The following CILK1 variants were observed in gnomAD, a reference collection of about 807,000 sequenced individuals.
CILK1 encodes the protein ciliogenesis associated kinase 1, also known as serine/threonine-protein kinase ICK.
CILK1 carries 47 observed loss-of-function variants against 79.2 expected under a neutral mutation model. That is an observed-to-expected ratio of 0.59 (90% CI 0.47 to 0.76). CILK1 has a LOEUF of 0.76. Among genes scored for constraint, CILK1 ranks in the 30% least tolerant of loss-of-function variants. The pLI is 0.00. For missense variants in CILK1, 660 were observed against 769.5 expected, an observed-to-expected ratio of 0.86 and a Z score of 1.68; for synonymous variants, 266 against 275.9, an observed-to-expected ratio of 0.96 and a Z score of 0.36.
chr6:53,009,338 C>A (rs1245412387), intron 12 of CILK1, 101 bp downstream of exon 12: 3 of 1,114,722 alleles, frequency 2.7e-6, no homozygotes, highest in Non-Finnish European at 4.1e-6. Context: ...ATGACAAAGG[C>A]CCCTGTGCTT....
intron 1 of CILK1, among the ~76,000 whole-genome samples, chr6:53,043,752 G>A (rs1766867587): frequency 6.6e-6 from 1 of 152,106 alleles, no homozygotes; most frequent in South Asian, 2.1e-4. Context: ...GGCAGGGGAT[G>A]GGGGTGTGGA....
chr6:53,039,072 T>A (rs1321534970), intron 2 of CILK1, among the ~76,000 whole-genome samples: 1 of 152,226 alleles, frequency 6.6e-6, no homozygotes, highest in Non-Finnish European at 1.5e-5. Flanking sequence ...CACTCTGTCC[T>A]TGTCACACTG....
intron 7 of CILK1, among the ~76,000 whole-genome samples, chr6:53,017,150 A>T (rs1764936302): frequency 1.3e-5 from 2 of 152,240 alleles, no homozygotes; most frequent in African/African-American, 4.8e-5. Flanking sequence ...AGATTCCAGC[A>T]TTGGACTCAG....
chr6:53,051,176 C>T (rs931974051), intron 1 of CILK1, among the ~76,000 whole-genome samples: 8 of 152,230 alleles, frequency 5.3e-5, no homozygotes, highest in African/African-American at 1.9e-4. Flanking sequence ...AAGGAAGGCT[C>T]TGGGCCACCA....
At chr6:53,038,324 T>C (rs1766488941) in intron 2 of CILK1, among the ~76,000 whole-genome samples, 1 of 152,232 alleles carries the variant, frequency 6.6e-6, no homozygotes, top group South Asian at 2.1e-4. Flanking sequence ...CAGAACTTTC[T>C]ATATTGGTGA....
At chr6:53,051,864 G>C (rs1195194253) in intron 1 of CILK1, 2 of 152,196 alleles carry the variant, frequency 1.3e-5, no homozygotes, top group African/African-American at 4.8e-5. Flanking sequence ...AATGAAATCA[G>C]AAATCTGTGC....
At chr6:53,015,205 T>A (rs942751478) in intron 8 of CILK1, among the ~76,000 whole-genome samples, 1 of 152,234 alleles carries the variant, frequency 6.6e-6, no homozygotes, top group African/African-American at 2.4e-5. Context: ...ATTGGTCACT[T>A]ATATGATCCT....
chr6:53,009,617 C>T lies in CILK1; in HGVS notation c.1493-50G>A, dbSNP rs750712123. The T allele has an allele frequency of 2.1e-5, 31 of 1,442,654 alleles. No homozygotes were observed. The South Asian group carries it at 3.6e-4, about 17-fold the overall frequency. 89.4% of individuals were successfully genotyped at this position (1,442,654 alleles called of 1,614,324 possible). A position where few individuals can be genotyped will look rare whatever the true frequency, so the allele number is the denominator to read the frequency against. On this transcript the variant is annotated intron_variant, in intron 11 of 13. Transcript: ENST00000676107. ...AATGCAAAATACACAATGAATCTTA[C>T]ACTAGACTACAAAGATAAAATTAAT...
intron 1 of CILK1, among the ~76,000 whole-genome samples, chr6:53,049,255 T>C (rs1271978763): frequency 1.3e-5 from 2 of 152,238 alleles, no homozygotes; most frequent in Non-Finnish European, 2.9e-5. Context: ...CAGTGGGCTA[T>C]ACTAACTTTT....
chr6:53,016,151 T>C lies in CILK1; in HGVS notation c.763A>G (p.Ser255Gly), dbSNP rs1440820949. ...TCTCTCAGGAGCTGGACTGCTTCAC[T>C]GCTAGCATTGGGAATCAAGGTCTTT... is the stretch of plus-strand genomic sequence containing the variant. ...NLKTLIPNAS[S>G]EAVQLLRDML... The change falls in exon 8 of 14, where the codon AGT becomes GGT. Residue 255 changes from serine to glycine, a missense_variant. By Grantham distance (56) the Ser-to-Gly change is moderately conservative. Coordinates refer to ENST00000676107, the MANE Select transcript of CILK1 (RefSeq NM_014920.5). 10 of 1,614,034 alleles carry C rather than the reference T, an allele frequency of 6.2e-6. No homozygotes were observed. The highest frequency in any genetic ancestry group is 8.5e-6 in the Non-Finnish European group (10 of 1,179,982).
chr6:53,010,691 C>T (rs1186713440), intron 11 of CILK1, among the ~76,000 whole-genome samples: 1 of 152,232 alleles, frequency 6.6e-6, no homozygotes, highest in African/African-American at 2.4e-5. Flanking sequence ...CTGCCCTCAG[C>T]TCTCTGCACA....
chr6:53,031,640 C>T (rs772845042), intron 4 of CILK1, among the ~76,000 whole-genome samples: 5 of 152,270 alleles, frequency 3.3e-5, no homozygotes, highest in South Asian at 2.1e-4. Flanking sequence ...TTCTTATTAG[C>T]CTCCTCTTGC....
intron 1 of CILK1, among the ~76,000 whole-genome samples, chr6:53,043,844 GC>G (rs1456843561): frequency 6.6e-6 from 1 of 152,224 alleles, no homozygotes; most frequent in Non-Finnish European, 1.5e-5. Context: ...TAAGGAGAAA[GC>G]CCTCTTGGTT....
At chr6:53,058,528 G>A (rs1476336836) in intron 1 of CILK1, among the ~76,000 whole-genome samples, 3 of 152,024 alleles carry the variant, frequency 2.0e-5, no homozygotes, top group African/African-American at 2.4e-5. Flanking sequence ...ATCCCAAAAC[G>A]TGTATAAGTC....
intron 9 of CILK1, among the ~76,000 whole-genome samples, chr6:53,013,176 T>C (rs532712841): frequency 3.3e-5 from 5 of 152,352 alleles, no homozygotes; most frequent in African/African-American, 7.2e-5. Flanking sequence ...ACTGAATCCA[T>C]AGGGATTAAT....
chr6:53,013,026 T>G (rs762555279), intron 9 of CILK1, among the ~76,000 whole-genome samples: 1 of 152,254 alleles, frequency 6.6e-6, no homozygotes, highest in African/African-American at 2.4e-5. Context: ...AGCAGTAATG[T>G]GGATAACAAT....
At chr6:53,013,519 G>A (rs576204545) in intron 9 of CILK1, 143 bp downstream of exon 9, 75 of 801,666 alleles carry the variant, frequency 9.4e-5, no homozygotes, top group Non-Finnish European at 1.2e-4. Flanking sequence ...AAAGCCAAGG[G>A]TCTTTACAAT....
At position 53,041,346 on chromosome 6, in the gene CILK1, A is replaced by G; in HGVS notation, c.-110T>C. On this transcript the variant is annotated 5_prime_UTR_variant, in exon 2 of 14. Coordinates refer to ENST00000676107, the MANE Select transcript of CILK1 (RefSeq NM_014920.5). Reference sequence around the variant, plus strand: ...CAGATTTTTCGATGGCAGCACCAGCACAAGGTATTCAATAGGACGTGACTG... The same window carrying G: ...CAGATTTTTCGATGGCAGCACCAGCGCAAGGTATTCAATAGGACGTGACTG... 1.3e-6 allele frequency: 1 copy of G among 765,060 alleles called. No individual in the cohort carries two copies. Among genetic ancestry groups the G allele is most frequent in the South Asian group, 1.4e-5 (1 of 72,948 alleles). 47.4% of individuals were successfully genotyped at this position (765,060 alleles called of 1,614,324 possible). A position where few individuals can be genotyped will look rare whatever the true frequency, so the allele number is the denominator to read the frequency against.
chr6:53,013,292 A>G (rs552644558), intron 9 of CILK1, among the ~76,000 whole-genome samples: 1 of 152,338 alleles, frequency 6.6e-6, no homozygotes, highest in Admixed American at 6.5e-5. Flanking sequence ...TCAGGTAAGT[A>G]CTATTATTAT....
Sources: gnomAD v4.1 joint callset for allele counts (sites outside exome capture counted in the v4.1 genomes callset) on GRCh38, gnomAD v4.1.1 for gene constraint, MANE v1.5 for transcripts, NCBI Gene and HGNC (gene_info 2026-07-23, HGNC 2026-07-21) for gene names.